Variants in IQSEC1 observed in about 807,000 individuals in gnomAD.
IQSEC1 encodes the protein IQ motif and Sec7 domain ArfGEF 1.
Under a neutral mutation model 91.0 loss-of-function variants are expected in IQSEC1, and 31 were observed. The observed-to-expected ratio is 0.34, with a 90% confidence interval of 0.26 to 0.46. IQSEC1 has a LOEUF of 0.46. Ranked by LOEUF, IQSEC1 falls within the 20% of genes least tolerant of loss-of-function variation. IQSEC1 has a pLI of 1.00. For missense variants in IQSEC1, 1,388 were observed against 1,575.6 expected, an observed-to-expected ratio of 0.88 and a Z score of 2.02; for synonymous variants, 699 against 662.6, an observed-to-expected ratio of 1.05 and a Z score of -0.84.
chr3:13,077,343 G>A (rs375974442), upstream of IQSEC1, among the ~76,000 whole-genome samples: 1 of 152,038 alleles, frequency 6.6e-6, no homozygotes, highest in South Asian at 2.1e-4. Context: ...AAATCCCCTC[G>A]CCAGCCCTGC....
chr3:13,112,815 C>G (rs919162032), intron 2 of IQSEC1, among the ~76,000 whole-genome samples: 5 of 152,232 alleles, frequency 3.3e-5, no homozygotes, highest in Non-Finnish European at 7.3e-5. Flanking sequence ...GAGGAGGAAG[C>G]CTGAATGACT....
intron 1 of IQSEC1, among the ~76,000 whole-genome samples, chr3:13,185,767 C>T (rs954569742): frequency 1.3e-5 from 2 of 152,244 alleles, no homozygotes. Context: ...ATCCTAATCG[C>T]TGGAAAGCAC....
intron 1 of IQSEC1, among the ~76,000 whole-genome samples, chr3:13,197,030 G>A (rs770866089): frequency 5.3e-5 from 8 of 152,042 alleles, no homozygotes; most frequent in Non-Finnish European, 1.0e-4. Context: ...CCCTTGCCAC[G>A]ACACTGCCTC....
intron 1 of IQSEC1, among the ~76,000 whole-genome samples, chr3:13,013,180 C>T (rs113811542): frequency 4.6e-5 from 7 of 152,062 alleles, no homozygotes; most frequent in Non-Finnish European, 1.0e-4. Context: ...AGGCTGGTCT[C>T]GATCTCCTGA....
intron 1 of IQSEC1, among the ~76,000 whole-genome samples, chr3:12,990,294 C>T (rs1408210830): frequency 6.6e-6 from 1 of 152,218 alleles, no homozygotes; most frequent in African/African-American, 2.4e-5. Context: ...ACTCCACACA[C>T]CGATGAGGGA....
Position 12,936,488 on chromosome 3 carries a change from G to C in IQSEC1, c.528C>G (p.Ser176=). 6.2e-7 allele frequency: 1 copy of C among 1,613,138 alleles called. No individual in the cohort carries two copies. Among genetic ancestry groups the C allele is most frequent in the Non-Finnish European group, 8.5e-7 (1 of 1,179,714 alleles). The stretch of plus-strand genomic sequence containing the variant: ...CTGAGACCTGCTTCCCCTCGAAGTA[G>C]GAGCTGTGCACTTTCTCAGGCCCCT... ...SFEGPEKVHS[S]YFEGKQVSVT... Residue 176 remains serine (S), a synonymous_variant, in exon 3 of 14, where the codon TCC becomes TCG. Coordinates refer to ENST00000613206, the MANE Select transcript of IQSEC1 (RefSeq NM_001134382.3).
At chr3:13,164,366 C>A (rs1049582399) in intron 1 of IQSEC1, among the ~76,000 whole-genome samples, 2 of 152,142 alleles carry the variant, frequency 1.3e-5, no homozygotes, top group Admixed American at 6.5e-5. Flanking sequence ...CCTTTCCCAC[C>A]CTCTTCCTGT....
chr3:13,199,999 ACAC>A (rs1694210997), intron 1 of IQSEC1, among the ~76,000 whole-genome samples: 1 of 151,042 alleles, frequency 6.6e-6, no homozygotes, highest in Non-Finnish European at 1.5e-5. Flanking sequence ...ACACATGCAC[ACAC>A]CACACACACA....
chr3:13,047,587 C>CCTGAGTGGA, intron 1 of IQSEC1: 1 of 866,234 alleles, frequency 1.2e-6, no homozygotes, highest in Non-Finnish European at 1.4e-6. Context: ...CCCTTGGGGG[C>CCTGAGTGGA]CATGTCCACT....
chr3:13,202,958 G>A (rs770660443), intron 1 of IQSEC1, among the ~76,000 whole-genome samples: 7 of 152,164 alleles, frequency 4.6e-5, no homozygotes, highest in Non-Finnish European at 8.8e-5. Flanking sequence ...CCTGTAAGTT[G>A]TGTGCTCTGG....
Position 13,214,300 on chromosome 3 carries a change from G to A in IQSEC1, c.273-50167C>T, listed in dbSNP as rs551308274. Among the ~76,000 whole-genome samples the A allele has an allele frequency of 2.0e-5, 3 of 152,330 alleles. No individual in the cohort carries two copies. Among genetic ancestry groups the A allele is most frequent in the African/African-American group, 7.2e-5 (3 of 41,586 alleles). ...GAGTCATTAACATCAGCCTTCTGCA[G>A]AGGACCCGGAACACCACATCTGCTG... On this transcript the variant is annotated intron_variant, in intron 1 of 15. Coordinates refer to the IQSEC1 transcript ENST00000648114. This position sits in a 1 kb window ranked among gnomAD's most constrained non-coding sequence, Gnocchi z 4.5.
intron 2 of IQSEC1, among the ~76,000 whole-genome samples, chr3:13,156,169 T>A (rs1009139331): frequency 6.6e-6 from 1 of 151,770 alleles, no homozygotes; most frequent in Admixed American, 6.6e-5. Flanking sequence ...GAGGCAGAGG[T>A]TGCAGTGAGC....
At position 13,262,354 on chromosome 3, in the gene IQSEC1, T is replaced by A. The variant is rs1384533598; in HGVS notation, c.272+20357A>T. 2.6e-5 allele frequency among the ~76,000 whole-genome samples: 4 copies of A among 152,188 alleles called. No homozygotes were observed. The South Asian group carries it at 8.3e-4, about 32-fold the overall frequency. ...AGGTGAGGGAGCAAGCCTGTCCCCGTCCCTCTTAGGGTAGGAGCCAGCACA... is the reference window on the plus strand; with the variant it reads ...AGGTGAGGGAGCAAGCCTGTCCCCGACCCTCTTAGGGTAGGAGCCAGCACA... On this transcript the variant is annotated intron_variant, in intron 1 of 15. Coordinates refer to the IQSEC1 transcript ENST00000648114.
At chr3:13,212,190 C>T (rs138698415) in intron 1 of IQSEC1, among the ~76,000 whole-genome samples, 1 of 152,364 alleles carries the variant, frequency 6.6e-6, no homozygotes, top group Non-Finnish European at 1.5e-5. Flanking sequence ...TCTGCCTCCT[C>T]TGCCCCAGCC....
At chr3:13,169,716 T>A (rs983938024) in intron 1 of IQSEC1, among the ~76,000 whole-genome samples, 1 of 152,220 alleles carries the variant, frequency 6.6e-6, no homozygotes, top group African/African-American at 2.4e-5. Context: ...GCAAAGAGAC[T>A]GGCAGCATTT....
At chr3:13,130,322 C>CGACA (rs1559261071) in intron 2 of IQSEC1, among the ~76,000 whole-genome samples, 1 of 124,918 alleles carries the variant, frequency 8.0e-6, no homozygotes, top group East Asian at 2.3e-4. Flanking sequence ...GCAGCCTGGG[C>CGACA]GACAGAACGA....
intron 1 of IQSEC1, among the ~76,000 whole-genome samples, chr3:13,251,516 C>T (rs933407794): frequency 6.6e-6 from 1 of 152,156 alleles, no homozygotes; most frequent in Non-Finnish European, 1.5e-5. Context: ...TTAAGTGTTG[C>T]TGCAATTCCC....
intron 1 of IQSEC1, among the ~76,000 whole-genome samples, chr3:13,065,595 C>T (rs1208122970): frequency 6.6e-6 from 1 of 152,124 alleles, no homozygotes; most frequent in Admixed American, 6.5e-5. Flanking sequence ...TGAGTGATGG[C>T]GAAGATGTGG....
intron 1 of IQSEC1, among the ~76,000 whole-genome samples, chr3:12,962,245 G>A (rs562293267): frequency 1.4e-4 from 21 of 152,288 alleles, no homozygotes; most frequent in African/African-American, 3.6e-4. Flanking sequence ...AACATCTACC[G>A]GGCCCTTGCT....
Sources: gnomAD v4.1 joint callset for allele counts (sites outside exome capture counted in the v4.1 genomes callset) on GRCh38, gnomAD v4.1.1 for gene constraint, Gnocchi (gnomAD v3.1) non-coding constraint, MANE v1.5 for transcripts, NCBI Gene and HGNC (gene_info 2026-07-23, HGNC 2026-07-21) for gene names.